BCAT1: variants seen among roughly 807,000 people sequenced by gnomAD.
BCAT1 encodes the protein branched chain amino acid transaminase 1.
A neutral mutation model predicts 52.4 loss-of-function variants in BCAT1; 48 were observed. The observed-to-expected ratio is 0.92, with a 90% confidence interval of 0.73 to 1.16. The LOEUF (loss-of-function observed/expected upper bound fraction) is 1.16. Ranked by LOEUF, BCAT1 falls within the 50% of genes most tolerant of loss-of-function variation. BCAT1 has a pLI of 0.00. For missense variants in BCAT1, 451 were observed against 457.1 expected, an observed-to-expected ratio of 0.99 and a Z score of 0.12; for synonymous variants, 167 against 161.3, an observed-to-expected ratio of 1.04 and a Z score of -0.27.
chr12:24,828,237 A>G (rs181904302), intron 10 of BCAT1, among the ~76,000 whole-genome samples: 2 of 152,368 alleles, frequency 1.3e-5, no homozygotes, highest in African/African-American at 4.8e-5. Context: ...TTACTAATTG[A>G]CAAGGATAGT....
At chr12:24,878,772 A>G in intron 4 of BCAT1, 123 bp from the exon 5 acceptor site, 1 of 953,950 alleles carries the variant, frequency 1.0e-6, no homozygotes, top group Non-Finnish European at 1.5e-6. Context: ...AAAATAAGAA[A>G]TGTTTGAGGT....
intron 1 of BCAT1, chr12:24,902,974 A>T (rs985285268): frequency 6.7e-7 from 1 of 1,497,134 alleles, no homozygotes; most frequent in Non-Finnish European, 8.9e-7. Context: ...CAGCGGAGCG[A>T]AGCGGGCTGG....
chr12:24,892,912 G>C (rs1444483415), intron 3 of BCAT1, among the ~76,000 whole-genome samples: 1 of 152,180 alleles, frequency 6.6e-6, no homozygotes, highest in East Asian at 1.9e-4. Context: ...TTATGACATG[G>C]TGAGGGCTTG....
At chr12:24,899,463 A>C (rs563616719) in intron 2 of BCAT1, among the ~76,000 whole-genome samples, 4 of 151,024 alleles carry the variant, frequency 2.6e-5, no homozygotes, top group African/African-American at 9.8e-5. Flanking sequence ...ACTGTGGAAA[A>C]TGGTATGAAG....
At chr12:24,948,457 C>G (rs1021885121) in intron 1 of BCAT1, among the ~76,000 whole-genome samples, 3 of 152,172 alleles carry the variant, frequency 2.0e-5, no homozygotes, top group African/African-American at 7.2e-5. Context: ...GTGAAAAGAT[C>G]GTTCTCCCTC....
chr12:24,933,625 G>A (rs1382368873), intron 1 of BCAT1, among the ~76,000 whole-genome samples: 1 of 152,122 alleles, frequency 6.6e-6, no homozygotes, highest in African/African-American at 2.4e-5. Flanking sequence ...TAGTGAGTGA[G>A]TTCTCACTTA....
At chr12:24,838,608 C>T (rs184111203) in intron 7 of BCAT1, among the ~76,000 whole-genome samples, 1 of 152,116 alleles carries the variant, frequency 6.6e-6, no homozygotes, top group Non-Finnish European at 1.5e-5. Context: ...AAAACAGCAG[C>T]CCCGCATGTG....
chr12:24,926,812 A>G (rs989887697), intron 1 of BCAT1, among the ~76,000 whole-genome samples: 2 of 152,228 alleles, frequency 1.3e-5, no homozygotes, highest in Admixed American at 1.3e-4. Flanking sequence ...CCAGGGACAC[A>G]AACACTGCGG....
At chr12:24,819,420 G>T (rs1226375718) in intron 10 of BCAT1, among the ~76,000 whole-genome samples, 1 of 152,148 alleles carries the variant, frequency 6.6e-6, no homozygotes, top group Non-Finnish European at 1.5e-5. Context: ...ACTCAAATAA[G>T]TGGGGCTCTG....
chr12:24,947,981 A>G lies in BCAT1; in HGVS notation c.6+946T>C, dbSNP rs138999441. Among the ~76,000 whole-genome samples the G allele has an allele frequency of 6.0e-3, 916 of 152,356 alleles. 9 individuals carry two copies. The highest frequency in any genetic ancestry group is 0.021 in the African/African-American group (862 of 41,580). On this transcript the variant is annotated intron_variant, in intron 1 of 10. Coordinates refer to ENST00000261192, the MANE Select transcript of BCAT1 (RefSeq NM_005504.7). ...TTGTTTGGCAACAAAGGCGCTATTT[A>G]CATATTATTTCTTCTAAGTGAAACT...
At chr12:24,913,211 CTGTA>C (rs1188309606) in intron 1 of BCAT1, among the ~76,000 whole-genome samples, 9 of 152,088 alleles carry the variant, frequency 5.9e-5, no homozygotes, top group Admixed American at 5.9e-4. Flanking sequence ...TTACATAATC[CTGTA>C]TGTATTTACA....
Position 24,832,846 on chromosome 12 carries a change from T to C in BCAT1, c.921A>G (p.Ser307=), listed in dbSNP as rs1222141042. ...LAHQWGEFKV[S]ERYLTMDDLT... The stretch of plus-strand genomic sequence containing the variant: ...AGTCATCCATGGTGAGGTATCTCTC[T>C]GACACCTTAAATTCACCCTGCATGG... Residue 307 remains serine (S), a synonymous_variant, in exon 9 of 11, where the codon TCA becomes TCG. Coordinates refer to ENST00000261192, the MANE Select transcript of BCAT1 (RefSeq NM_005504.7). 2 of 1,611,104 alleles carry C rather than the reference T, an allele frequency of 1.2e-6. No homozygotes were observed. Among genetic ancestry groups the C allele is most frequent in the Non-Finnish European group, 1.7e-6 (2 of 1,178,766 alleles).
At chr12:24,887,957 G>A (rs184975672) in intron 3 of BCAT1, among the ~76,000 whole-genome samples, 13 of 152,282 alleles carry the variant, frequency 8.5e-5, no homozygotes, top group Middle Eastern at 3.4e-3. Context: ...CAATAGGTCC[G>A]ATGAGTGAAG....
At chr12:24,825,585 C>T (rs1940361166) in intron 10 of BCAT1, among the ~76,000 whole-genome samples, 1 of 151,930 alleles carries the variant, frequency 6.6e-6, no homozygotes, top group African/African-American at 2.4e-5. Flanking sequence ...TACCTCCTGG[C>T]CATTTGTCTG....
rs933979042 is a variant in BCAT1, at chr12:24,834,241, T to A, written c.904-1378A>T. ...TATTTGAGAAATTGTATTGTATGTA[T>A]TTTTTTTCCTAATATGACTAACAGT... On this transcript the variant is annotated intron_variant, in intron 8 of 10. Transcript: ENST00000261192. 23 of 979,062 alleles carry A rather than the reference T, an allele frequency of 2.3e-5. No homozygotes were observed. In the African/African-American group the frequency reaches 3.8e-4, roughly 16 times the overall value. 60.6% of individuals were successfully genotyped at this position (979,062 alleles called of 1,614,324 possible).
intron 9 of BCAT1, chr12:24,830,164 A>G (rs1281425653): frequency 2.2e-5 from 7 of 312,704 alleles, no homozygotes; most frequent in Non-Finnish European, 3.5e-5. Flanking sequence ...AGCCTTCAGG[A>G]TCATTTGAAG....
intron 1 of BCAT1, among the ~76,000 whole-genome samples, chr12:24,928,932 T>C (rs1943638513): frequency 6.6e-6 from 1 of 152,152 alleles, no homozygotes; most frequent in Admixed American, 6.6e-5. Context: ...TTTATTGTAT[T>C]GTATTTTTAG....
chr12:24,880,626 C>A (rs1374876700), intron 4 of BCAT1, among the ~76,000 whole-genome samples: 1 of 152,104 alleles, frequency 6.6e-6, no homozygotes, highest in African/African-American at 2.4e-5. Flanking sequence ...GCATCTAAAG[C>A]AATTAGGCAA....
At chr12:24,825,133 G>GTA (rs1467590780) in intron 10 of BCAT1, among the ~76,000 whole-genome samples, 248 of 63,120 alleles carry the variant, frequency 3.9e-3, no homozygotes, top group African/African-American at 0.015. Context: ...GTGTGTGTGT[G>GTA]TGTATATATA....
Sources: gnomAD v4.1 joint callset for allele counts (sites outside exome capture counted in the v4.1 genomes callset) on GRCh38, gnomAD v4.1.1 for gene constraint, MANE v1.5 for transcripts, NCBI Gene and HGNC (gene_info 2026-07-23, HGNC 2026-07-21) for gene names.